The following ABLIM2 variants were observed in gnomAD, a reference collection of about 807,000 sequenced individuals.
ABLIM2 encodes the protein actin binding LIM protein family member 2.
ABLIM2 carries 53 observed loss-of-function variants against 97.7 expected under a neutral mutation model. The ratio of observed to expected loss-of-function variants is 0.54; its 90% confidence interval spans 0.44 to 0.68. The LOEUF (loss-of-function observed/expected upper bound fraction) is 0.68, where lower values mean the gene tolerates loss of function less well. Ranked by LOEUF, ABLIM2 falls within the 30% of genes least tolerant of loss-of-function variation. The probability of loss-of-function intolerance (pLI) is 0.00; values close to 1 mark genes in which losing one functional copy is unlikely to be tolerated. For synonymous variants in ABLIM2, 361 were observed against 345.8 expected (o/e 1.04, Z -0.49); for missense variants, 835 against 867.2 (o/e 0.96, Z 0.47).
intron 2 of ABLIM2, among the ~76,000 whole-genome samples, chr4:8,099,565 A>C (rs1212925069): frequency 6.6e-6 from 1 of 152,120 alleles, no homozygotes; most frequent in Non-Finnish European, 1.5e-5. Flanking sequence ...CAGACCTCTG[A>C]CTGGGCACGG....
At chr4:8,097,355 C>T (rs771533274) in intron 2 of ABLIM2, 73 bp from the exon 3 acceptor site, 102 of 1,497,610 alleles carry the variant, frequency 6.8e-5, no homozygotes, top group Middle Eastern at 2.3e-4. Flanking sequence ...CCGAGGTGCA[C>T]CCCCCTCCAC....
Position 8,147,743 on chromosome 4 carries a change from G to T in ABLIM2, c.10+10937C>A, listed in dbSNP as rs11734190. Among the ~76,000 whole-genome samples the T allele has an allele frequency of 6.6e-6, 1 of 152,096 alleles. No individual in the cohort carries two copies. The highest frequency in any genetic ancestry group is 2.4e-5 in the African/African-American group (1 of 41,408). On this transcript the variant is annotated intron_variant, in intron 1 of 20. Transcript: ENST00000447017. This position sits in a 1 kb window ranked among gnomAD's most constrained non-coding sequence, Gnocchi z 5.3. ...GGAGCTGCCAGCGCCGTTTAGCCTCGGACACTGACATTGAACTGCTGGCCT... is the reference window on the plus strand; with the variant it reads ...GGAGCTGCCAGCGCCGTTTAGCCTCTGACACTGACATTGAACTGCTGGCCT...
At chr4:8,126,489 G>T (rs1366503369) in intron 1 of ABLIM2, among the ~76,000 whole-genome samples, 5 of 136,578 alleles carry the variant, frequency 3.7e-5, no homozygotes, top group Admixed American at 3.4e-4. Context: ...TCTCTCCCTA[G>T]CCCCCCAGAT....
chr4:8,053,518 G>A (rs1233181571), intron 8 of ABLIM2, among the ~76,000 whole-genome samples: 1 of 152,168 alleles, frequency 6.6e-6, no homozygotes, highest in Non-Finnish European at 1.5e-5. Flanking sequence ...ACAGACATGA[G>A]GGGGGTCTTG....
chr4:8,085,191 C>T lies in ABLIM2; in HGVS notation c.454+2978G>A, dbSNP rs1289473344. Among the ~76,000 whole-genome samples the T allele has an allele frequency of 3.3e-5, 5 of 152,078 alleles. No homozygotes were observed. The highest frequency in any genetic ancestry group is 2.1e-4 in the South Asian group (1 of 4,828). On this transcript the variant is annotated intron_variant, in intron 4 of 20. Coordinates refer to ENST00000447017, the MANE Select transcript of ABLIM2 (RefSeq NM_001130083.2). The surrounding 1 kb of genome is among the most constrained non-coding windows in gnomAD (Gnocchi z 6.1). ...CAAGCTTGAGCTCTGCCTCAAGAGC[C>T]AGCCACTCTCCCCTCCCCAGGGAGG... is the stretch of plus-strand genomic sequence containing the variant.
chr4:8,108,393 G>A (rs1475587886), intron 1 of ABLIM2, among the ~76,000 whole-genome samples: 1 of 152,196 alleles, frequency 6.6e-6, no homozygotes, highest in African/African-American at 2.4e-5. Context: ...GACAATGGCC[G>A]GGCCCAGAGA....
rs546027763 is a variant in ABLIM2 at position 7,970,308 on chromosome 4, G to A, written c.1825-3205C>T. 6.6e-6 allele frequency among the ~76,000 whole-genome samples: 1 copy of A among 152,252 alleles called. No homozygotes were observed. Among genetic ancestry groups the A allele is most frequent in the South Asian group, 2.1e-4 (1 of 4,826 alleles). On this transcript the variant is annotated intron_variant, in intron 20 of 20. Transcript: ENST00000447017. This position sits in a 1 kb window ranked among gnomAD's most constrained non-coding sequence, Gnocchi z 5.3. ...TGGCCACATTCCTGCTTCCTGCTGG[G>A]GGAGGCTAAGGGAGGGGCGCAAAGG...
Position 7,966,922 on chromosome 4 carries a change from G to A in ABLIM2, c.*68C>T. On this transcript the variant is annotated 3_prime_UTR_variant, in exon 21 of 21. Transcript: ENST00000447017. ...AGAGCAAGGTGTGTGGGAGGGGTGT[G>A]TGCGGTTCTCGCCAGGGGCCCCTGG... 1 of 1,038,710 alleles carries A rather than the reference G, an allele frequency of 9.6e-7. No homozygotes were observed. The highest frequency in any genetic ancestry group is 1.5e-6 in the Non-Finnish European group (1 of 678,782). The allele number at this position is 1,038,710 out of a possible 1,614,324, so 64.3% of individuals were successfully genotyped here.
intron 20 of ABLIM2, among the ~76,000 whole-genome samples, chr4:7,972,543 G>A (rs1022258777): frequency 2.0e-5 from 3 of 152,210 alleles, no homozygotes; most frequent in African/African-American, 4.8e-5. Flanking sequence ...CATCCTCACT[G>A]AGGGACAAGA....
chr4:8,037,506 T>C (rs976822775), intron 9 of ABLIM2, among the ~76,000 whole-genome samples: 5 of 150,988 alleles, frequency 3.3e-5, no homozygotes, highest in African/African-American at 1.2e-4. Flanking sequence ...TGACACGTGC[T>C]CACACATGCA....
rs2385916 is a variant in ABLIM2, at chr4:8,046,246, C to T, written c.823-1005G>A. On this transcript the variant is annotated intron_variant, in intron 8 of 20. Transcript: ENST00000447017. The surrounding 1 kb of genome is among the most constrained non-coding windows in gnomAD (Gnocchi z 4.4). ...CTGCCTCTCCCCCCACCTCAGCCCC[C>T]TCCAGCCCTGCGGACACACTCCTTC... Among the ~76,000 whole-genome samples, 117,489 of 151,808 alleles carry T rather than the reference C, an allele frequency of 0.77. 46,266 individuals carry two copies. The highest frequency in any genetic ancestry group is 0.92 in the African/African-American group (38,288 of 41,412).
chr4:8,091,838 T>TATAATATATAC (rs1468751822), intron 3 of ABLIM2, among the ~76,000 whole-genome samples: 1 of 99,704 alleles, frequency 1.0e-5, no homozygotes, highest in Non-Finnish European at 1.8e-5. Context: ...ATAAATAATA[T>TATAATATATAC]AATATATTAT....
intron 16 of ABLIM2, among the ~76,000 whole-genome samples, chr4:8,000,150 G>A (rs560862219): frequency 2.8e-4 from 43 of 152,252 alleles, no homozygotes; most frequent in African/African-American, 9.9e-4. Flanking sequence ...ATCTGAGGAA[G>A]GGGGGCACCC....
At chr4:8,064,620 G>A (rs556429631) in intron 6 of ABLIM2, among the ~76,000 whole-genome samples, 45 of 152,278 alleles carry the variant, frequency 3.0e-4, no homozygotes, top group African/African-American at 9.9e-4. Context: ...AACACACGCC[G>A]CACCCTCGTG....
Position 7,970,332 on chromosome 4 carries a change from G to GGT in ABLIM2, c.1825-3231_1825-3230dup, listed in dbSNP as rs527323610. ...GGGGAGGCTAAGGGAGGGGCGCAAA[G>GGT]GTGCTGGTGGGCAGAGGGAAGGTGT... On this transcript the variant is annotated intron_variant, in intron 20 of 20. Coordinates refer to ENST00000447017, the MANE Select transcript of ABLIM2 (RefSeq NM_001130083.2). The surrounding 1 kb of genome is among the most constrained non-coding windows in gnomAD (Gnocchi z 5.3). Among the ~76,000 whole-genome samples the GGT allele has an allele frequency of 2.4e-4, 36 of 152,236 alleles. No individual in the cohort carries two copies. The highest frequency in any genetic ancestry group is 7.2e-4 in the Admixed American group (11 of 15,290).
chr4:8,042,938 G>A (rs559701088), intron 9 of ABLIM2, among the ~76,000 whole-genome samples: 5 of 151,846 alleles, frequency 3.3e-5, no homozygotes, highest in Non-Finnish European at 7.4e-5. Flanking sequence ...ATTGCTTGAG[G>A]CCAGGAGTTC....
Position 8,066,007 on chromosome 4 carries a change from G to A in ABLIM2, c.676-4953C>T, listed in dbSNP as rs868230932. The stretch of plus-strand genomic sequence containing the variant: ...AGGGCAGGGGAGGGGAGGGAGAAAG[G>A]AGGGAGGGAGGGGGCCGGGTGCGGT... On this transcript the variant is annotated intron_variant, in intron 6 of 20. Coordinates refer to ENST00000447017, the MANE Select transcript of ABLIM2 (RefSeq NM_001130083.2). 2.1e-5 allele frequency among the ~76,000 whole-genome samples: 3 copies of A among 139,834 alleles called. No individual in the cohort carries two copies. In the South Asian group the frequency reaches 7.5e-4, roughly 35 times the overall value. 91.7% of individuals were successfully genotyped at this position (139,834 alleles called of 152,430 possible). A position where few individuals can be genotyped will look rare whatever the true frequency, so the allele number is the denominator to read the frequency against.
At chr4:8,093,512 A>T (rs1348855648) in intron 3 of ABLIM2, among the ~76,000 whole-genome samples, 1 of 152,236 alleles carries the variant, frequency 6.6e-6, no homozygotes, top group Non-Finnish European at 1.5e-5. Flanking sequence ...AGCAGCTTTT[A>T]GCATATTCAG....
intron 2 of ABLIM2, among the ~76,000 whole-genome samples, chr4:8,098,494 C>G (rs1380043993): frequency 2.0e-5 from 3 of 152,208 alleles, no homozygotes; most frequent in Non-Finnish European, 4.4e-5. Flanking sequence ...AAACCCCCAA[C>G]AGAGCTCTGG....
Sources: allele counts gnomAD v4.1 joint callset (sites outside exome capture counted in the v4.1 genomes callset), GRCh38; gene constraint gnomAD v4.1.1; non-coding constraint Gnocchi (gnomAD v3.1); transcripts MANE v1.5; gene names NCBI Gene and HGNC (gene_info 2026-07-23, HGNC 2026-07-21).